Variants in CDKAL1 observed in about 807,000 individuals in gnomAD.
CDKAL1 encodes threonylcarbamoyladenosine tRNA methylthiotransferase.
Under a neutral mutation model 68.2 loss-of-function variants are expected in CDKAL1, and 32 were observed. The ratio of observed to expected loss-of-function variants is 0.47; its 90% CI spans 0.35 to 0.63. CDKAL1 has a LOEUF of 0.63. CDKAL1 is among the 30% of genes least tolerant of loss of function. CDKAL1 has a pLI of 0.00. For missense variants in CDKAL1, 606 were observed against 696.7 expected, an observed-to-expected ratio of 0.87 and a Z score of 1.47; for synonymous variants, 234 against 244.3, an observed-to-expected ratio of 0.96 and a Z score of 0.39.
intron 9 of CDKAL1, among the ~76,000 whole-genome samples, chr6:20,874,628 C>T (rs773309312): frequency 3.3e-5 from 5 of 152,024 alleles, no homozygotes; most frequent in East Asian, 1.9e-4. Flanking sequence ...GATTCTCTTG[C>T]GGAGCTGGGA....
chr6:21,140,901 C>T (rs1775870548), intron 13 of CDKAL1, among the ~76,000 whole-genome samples: 1 of 152,154 alleles, frequency 6.6e-6, no homozygotes, highest in African/African-American at 2.4e-5. Context: ...AGGCAAAAGG[C>T]ACTTCTTACA....
chr6:21,158,838 A>G (rs1235221040), intron 13 of CDKAL1, among the ~76,000 whole-genome samples: 1 of 152,232 alleles, frequency 6.6e-6, no homozygotes, highest in Admixed American at 6.5e-5. Context: ...TGAATTTCCC[A>G]TTTAAGTGTT....
At chr6:20,971,341 A>G (rs1481350447) in intron 10 of CDKAL1, among the ~76,000 whole-genome samples, 1 of 152,210 alleles carries the variant, frequency 6.6e-6, no homozygotes, top group Admixed American at 6.5e-5. Context: ...GTGTCACACC[A>G]TCAGCATAGT....
At chr6:20,914,407 A>C (rs1284811766) in intron 9 of CDKAL1, among the ~76,000 whole-genome samples, 5 of 152,080 alleles carry the variant, frequency 3.3e-5, no homozygotes, top group Non-Finnish European at 7.4e-5. Flanking sequence ...CCATCTTTTA[A>C]TCTCTTACCG....
chr6:20,634,656 G>A (rs145437075), intron 4 of CDKAL1, among the ~76,000 whole-genome samples: 2 of 152,248 alleles, frequency 1.3e-5, no homozygotes, highest in East Asian at 3.9e-4. Flanking sequence ...GATTTGCCAT[G>A]GAAGATGGTG....
At chr6:20,907,669 C>G (rs891295724) in intron 9 of CDKAL1, among the ~76,000 whole-genome samples, 1 of 152,044 alleles carries the variant, frequency 6.6e-6, no homozygotes, top group Admixed American at 6.6e-5. Flanking sequence ...ATGAGAGCTC[C>G]CCCGTGTGTG....
At chr6:20,626,583 A>T (rs1767440713) in intron 4 of CDKAL1, among the ~76,000 whole-genome samples, 1 of 152,132 alleles carries the variant, frequency 6.6e-6, no homozygotes, top group South Asian at 2.1e-4. Flanking sequence ...TGATATAGAG[A>T]TACTTTTCAT....
chr6:21,193,967 A>T (rs533672054), intron 13 of CDKAL1, among the ~76,000 whole-genome samples: 11 of 152,346 alleles, frequency 7.2e-5, no homozygotes, highest in Admixed American at 5.9e-4. Flanking sequence ...GAGGCTGAGA[A>T]GTCCAAGATC....
chr6:20,682,882 C>T (rs1770446076), intron 5 of CDKAL1, among the ~76,000 whole-genome samples: 2 of 151,616 alleles, frequency 1.3e-5, no homozygotes, highest in Admixed American at 6.6e-5. Context: ...CAGATGCTTA[C>T]TGAATTGATT....
chr6:21,085,123 T>C (rs183482594), intron 12 of CDKAL1, among the ~76,000 whole-genome samples: 31 of 152,288 alleles, frequency 2.0e-4, no homozygotes, highest in Admixed American at 4.6e-4. Context: ...CAGGGGAAGA[T>C]TGGAAGAAGG....
chr6:20,712,808 C>T (rs1331177330), intron 5 of CDKAL1, among the ~76,000 whole-genome samples: 1 of 152,074 alleles, frequency 6.6e-6, no homozygotes, highest in African/African-American at 2.4e-5. Flanking sequence ...CCATGCCCAG[C>T]TAAGTTTTTG....
chr6:21,217,294 C>CTTTTTTT (rs57097019), intron 15 of CDKAL1, among the ~76,000 whole-genome samples: 1 of 142,820 alleles, frequency 7.0e-6, no homozygotes. Context: ...ATTTCTTTTT[C>CTTTTTTT]TTTTTTTTTT....
intron 8 of CDKAL1, among the ~76,000 whole-genome samples, chr6:20,843,323 C>T (rs192278610): frequency 6.6e-6 from 1 of 151,994 alleles, no homozygotes; most frequent in African/African-American, 2.4e-5. Context: ...TTTTCTTCCC[C>T]TGCCCTTTCC....
At chr6:20,988,509 A>G (rs929435455) in intron 10 of CDKAL1, among the ~76,000 whole-genome samples, 2 of 152,168 alleles carry the variant, frequency 1.3e-5, no homozygotes, top group African/African-American at 2.4e-5. Flanking sequence ...TATACCAACA[A>G]ACATTTATTT....
intron 11 of CDKAL1, among the ~76,000 whole-genome samples, chr6:21,046,071 A>G (rs1331373442): frequency 6.6e-6 from 1 of 152,200 alleles, no homozygotes; most frequent in Non-Finnish European, 1.5e-5. Flanking sequence ...GTCCACTGCC[A>G]TGTCTGTAAA....
intron 9 of CDKAL1, among the ~76,000 whole-genome samples, chr6:20,943,328 C>CAAAAA (rs34759060): frequency 2.0e-5 from 1 of 51,012 alleles, no homozygotes; most frequent in Non-Finnish European, 5.5e-5. Context: ...CTTGTTTTTT[C>CAAAAA]AAAAAAAAAA....
chr6:20,567,267 A>G (rs574609496), intron 4 of CDKAL1, among the ~76,000 whole-genome samples: 1 of 151,294 alleles, frequency 6.6e-6, no homozygotes, highest in Non-Finnish European at 1.5e-5. Flanking sequence ...GTATTTCACA[A>G]ACGTCTCTGT....
intron 9 of CDKAL1, among the ~76,000 whole-genome samples, chr6:20,894,192 T>C (rs1761554713): frequency 8.1e-6 from 1 of 123,778 alleles, no homozygotes; most frequent in Non-Finnish European, 1.8e-5. Context: ...CAGCATATTA[T>C]TGACCTCAAC....
chr6:21,050,349 T>C (rs568486024), intron 11 of CDKAL1, among the ~76,000 whole-genome samples: 3 of 152,342 alleles, frequency 2.0e-5, no homozygotes, highest in African/African-American at 7.2e-5. Flanking sequence ...GCCACACTAG[T>C]GTGCCCCAGC....
Sources: allele counts gnomAD v4.1 joint callset (sites outside exome capture counted in the v4.1 genomes callset), GRCh38; gene constraint gnomAD v4.1.1; transcripts MANE v1.5; gene names NCBI Gene and HGNC (gene_info 2026-07-23, HGNC 2026-07-21).